The following ARHGAP10 variants were observed in gnomAD, a reference collection of about 807,000 sequenced individuals.
ARHGAP10 encodes the protein rho GTPase-activating protein 10.
Under a neutral mutation model 108.6 loss-of-function variants are expected in ARHGAP10, and 87 were observed. That is an observed-to-expected ratio of 0.80 (90% CI 0.67 to 0.96). The LOEUF is 0.96. Ranked by LOEUF, ARHGAP10 falls within the 40% of genes least tolerant of loss-of-function variation. The probability of loss-of-function intolerance (pLI) is 0.00; values close to 1 mark genes in which losing one functional copy is unlikely to be tolerated. For synonymous variants in ARHGAP10, 347 were observed against 341.1 expected (o/e 1.02, Z -0.19); for missense variants, 939 against 954.5 (o/e 0.98, Z 0.21).
chr4:147,878,384 T>C (rs1485741363), intron 8 of ARHGAP10, among the ~76,000 whole-genome samples: 12 of 152,054 alleles, frequency 7.9e-5, no homozygotes, highest in Non-Finnish European at 1.2e-4. Flanking sequence ...CGTGAGCCAC[T>C]GCGCCTGGCC....
intron 1 of ARHGAP10, among the ~76,000 whole-genome samples, chr4:147,797,751 C>G (rs1413692770): frequency 2.0e-5 from 3 of 152,150 alleles, no homozygotes; most frequent in African/African-American, 7.2e-5. Context: ...TTATTTGTCA[C>G]TTCGGTCTGA....
At chr4:147,981,699 A>T (rs1473096134) in intron 18 of ARHGAP10, among the ~76,000 whole-genome samples, 1 of 152,248 alleles carries the variant, frequency 6.6e-6, no homozygotes, top group Non-Finnish European at 1.5e-5. Context: ...GTATTCTCTT[A>T]GGTCTAGAAG....
At chr4:147,870,566 T>G (rs1012353772) in intron 7 of ARHGAP10, among the ~76,000 whole-genome samples, 1 of 125,972 alleles carries the variant, frequency 7.9e-6, no homozygotes, top group Non-Finnish European at 1.7e-5. Context: ...GCTAGACTTT[T>G]TTTTTTTTTT....
Position 148,041,958 on chromosome 4 carries a change from G to A in ARHGAP10, c.1868-4934G>A, listed in dbSNP as rs566855429. 7.2e-5 allele frequency among the ~76,000 whole-genome samples: 11 copies of A among 152,258 alleles called. No homozygotes were observed. The South Asian group carries it at 1.5e-3, about 20-fold the overall frequency. ...TTCTTCCTTGCTCTCTCCATCCAGTGCTGTGACTTCAACTCTCTGTGCGTG... is the reference window on the plus strand; with the variant it reads ...TTCTTCCTTGCTCTCTCCATCCAGTACTGTGACTTCAACTCTCTGTGCGTG... On this transcript the variant is annotated intron_variant, in intron 19 of 22. Transcript: ENST00000336498.
At chr4:147,780,560 G>GAA (rs34061522) in intron 1 of ARHGAP10, among the ~76,000 whole-genome samples, 1 of 151,822 alleles carries the variant, frequency 6.6e-6, no homozygotes, top group Non-Finnish European at 1.5e-5. Flanking sequence ...AGGAGACTAG[G>GAA]AAAAAAAGAC....
At chr4:148,003,854 C>G (rs990207082) in intron 18 of ARHGAP10, among the ~76,000 whole-genome samples, 3 of 114,250 alleles carry the variant, frequency 2.6e-5, no homozygotes, top group Admixed American at 2.4e-4. Context: ...TAGGTCTTGA[C>G]TCTTTATCCT....
At chr4:147,877,199 TAGAC>T (rs1338357835) in intron 8 of ARHGAP10, among the ~76,000 whole-genome samples, 2 of 152,286 alleles carry the variant, frequency 1.3e-5, no homozygotes, top group East Asian at 1.9e-4. Flanking sequence ...TTGGATTAAA[TAGAC>T]AGTATCATCC....
chr4:147,766,386 T>C (rs1163849310), intron 1 of ARHGAP10, among the ~76,000 whole-genome samples: 5 of 152,042 alleles, frequency 3.3e-5, no homozygotes. Context: ...TAATACAATG[T>C]AAATGCTATG....
intron 4 of ARHGAP10, among the ~76,000 whole-genome samples, chr4:147,850,927 A>G (rs1436402761): frequency 6.6e-6 from 1 of 152,240 alleles, no homozygotes; most frequent in Non-Finnish European, 1.5e-5. Context: ...TTAGGGGCCA[A>G]GTATGTTGAA....
chr4:147,870,433 C>T (rs184733467), intron 7 of ARHGAP10, among the ~76,000 whole-genome samples: 3 of 152,140 alleles, frequency 2.0e-5, no homozygotes, highest in East Asian at 3.9e-4. Flanking sequence ...ATATTTTGGT[C>T]ATCTTTTAAG....
At chr4:147,920,636 T>C (rs113820189) in intron 13 of ARHGAP10, among the ~76,000 whole-genome samples, 88 of 58,302 alleles carry the variant, frequency 1.5e-3, no homozygotes, top group African/African-American at 2.4e-3. Flanking sequence ...TCAACGTTGG[T>C]TACATACAAT....
intron 15 of ARHGAP10, among the ~76,000 whole-genome samples, chr4:147,951,272 C>T (rs866223290): frequency 3.7e-4 from 56 of 152,048 alleles, no homozygotes; most frequent in Middle Eastern, 3.4e-3. Context: ...CACCCTTTAA[C>T]TTTCCTTCTC....
At chr4:147,779,589 G>A (rs1235318313) in intron 1 of ARHGAP10, among the ~76,000 whole-genome samples, 1 of 152,176 alleles carries the variant, frequency 6.6e-6, no homozygotes, top group Non-Finnish European at 1.5e-5. Context: ...AAGGAAGAGA[G>A]AAGAATGCAA....
chr4:147,979,575 A>G (rs1259194435), intron 18 of ARHGAP10, among the ~76,000 whole-genome samples: 1 of 152,112 alleles, frequency 6.6e-6, no homozygotes, highest in Admixed American at 6.6e-5. Context: ...CTGAAAAATG[A>G]CATTGGCAAT....
intron 19 of ARHGAP10, among the ~76,000 whole-genome samples, chr4:148,025,309 T>C (rs902340619): frequency 6.6e-5 from 10 of 152,218 alleles, no homozygotes; most frequent in African/African-American, 2.4e-4. Context: ...TTGTTCTACA[T>C]TTTGTATTTC....
At chr4:147,825,926 G>A (rs1732691004) in intron 3 of ARHGAP10, among the ~76,000 whole-genome samples, 1 of 152,196 alleles carries the variant, frequency 6.6e-6, no homozygotes, top group South Asian at 2.1e-4. Context: ...TGCCTTCATG[G>A]AGGTTAGATT....
rs1395593333 is a variant in ARHGAP10, at chr4:147,778,989, C to T, written c.155-43738C>T. Among the ~76,000 whole-genome samples the T allele has an allele frequency of 2.6e-5, 4 of 152,278 alleles. No homozygotes were observed. The East Asian group carries it at 5.8e-4, about 22-fold the overall frequency. On this transcript the variant is annotated intron_variant, in intron 1 of 22. Coordinates refer to ENST00000336498, the MANE Select transcript of ARHGAP10 (RefSeq NM_024605.4). ...CTGAAAAGGAAAGTAGAAATCATGA[C>T]GTGGGAATAGCGAATATGTGTTTGG...
chr4:147,894,874 A>G (rs962075482), intron 10 of ARHGAP10, among the ~76,000 whole-genome samples: 9 of 152,136 alleles, frequency 5.9e-5, no homozygotes, highest in African/African-American at 2.2e-4. Flanking sequence ...ACTCTGTTGC[A>G]TCTCTTTGTC....
chr4:147,944,956 C>T (rs764884927), intron 14 of ARHGAP10, among the ~76,000 whole-genome samples: 9 of 152,158 alleles, frequency 5.9e-5, no homozygotes, highest in Non-Finnish European at 1.0e-4. Flanking sequence ...AATCTGTATA[C>T]GTTCTTCATT....
Sources: gnomAD v4.1 joint callset for allele counts (sites outside exome capture counted in the v4.1 genomes callset) on GRCh38, gnomAD v4.1.1 for gene constraint, MANE v1.5 for transcripts, NCBI Gene and HGNC (gene_info 2026-07-23, HGNC 2026-07-21) for gene names.